Variants in TTC14 observed in about 807,000 individuals in gnomAD.
TTC14 encodes tetratricopeptide repeat protein 14.
A neutral mutation model predicts 79.9 loss-of-function variants in TTC14; 63 were observed. The observed-to-expected ratio is 0.79, with a 90% CI of 0.64 to 0.97. TTC14 has a LOEUF of 0.97. Among genes scored for constraint, TTC14 ranks in the 50% least tolerant of loss-of-function variants. TTC14 has a pLI of 0.00. For missense variants in TTC14, 895 were observed against 894.0 expected (o/e 1.00, Z -0.01); for synonymous variants, 335 against 309.6 (o/e 1.08, Z -0.86).
chr3:180,610,357 G>A lies in TTC14; in HGVS notation c.2128G>A (p.Gly710Arg), dbSNP rs1337990425. The change falls in exon 12 of 12, where the codon GGA becomes AGA. Residue 710 changes from glycine to arginine, a missense_variant. Physicochemically the swap from Gly to Arg is moderately radical, Grantham distance 125. Transcript: ENST00000296015. Reference sequence around the variant, plus strand: ...AAGATACCGTTTAAATACAAATCAAGGAGAATATGAAAGAGAGGACAATTA... The same window carrying A: ...AAGATACCGTTTAAATACAAATCAAAGAGAATATGAAAGAGAGGACAATTA... Reference protein sequence around the residue: ...EQRYRLNTNQGEYEREDNYGE... With the variant: ...EQRYRLNTNQREYEREDNYGE... The A allele has an allele frequency of 6.2e-7, 1 of 1,613,238 alleles. No individual in the cohort carries two copies. Among genetic ancestry groups the A allele is most frequent in the African/African-American group, 1.3e-5 (1 of 74,918 alleles).
rs1717242491 is a variant in TTC14, at chr3:180,616,380, T to C, written c.1775-1000T>C. The C allele has an allele frequency of 6.3e-7, 1 of 1,596,730 alleles. No individual in the cohort carries two copies. Among genetic ancestry groups the C allele is most frequent in the Non-Finnish European group, 8.6e-7 (1 of 1,166,248 alleles). On this transcript the variant is annotated intron_variant, in intron 12 of 12. Coordinates refer to the TTC14 transcript ENST00000382584. ...TAACCCACTCTGGAGGAATATTCAATAGCAATCATTAGTACTACCTACTGT... is the reference window on the plus strand; with the variant it reads ...TAACCCACTCTGGAGGAATATTCAACAGCAATCATTAGTACTACCTACTGT...
At chr3:180,602,703 A>T in intron 1 of TTC14, 188 bp from the exon 2 acceptor site, 1 of 760,672 alleles carries the variant, frequency 1.3e-6, no homozygotes, top group Non-Finnish European at 2.0e-6. Context: ...GTCACTTTTT[A>T]AGTTTCCCCG....
At chr3:180,609,444 C>T in intron 11 of TTC14, 186 bp from the exon 12 acceptor site, 2 of 1,292,264 alleles carry the variant, frequency 1.5e-6, no homozygotes, top group Non-Finnish European at 2.0e-6. Flanking sequence ...TACCTGTCTG[C>T]AAGCATTTTT....
At chr3:180,602,465 C>G (rs1179528281) in intron 1 of TTC14, 43 bp downstream of exon 1, 5 of 1,538,940 alleles carry the variant, frequency 3.2e-6, no homozygotes, top group Middle Eastern at 1.7e-4. Context: ...AGAGGGGACG[C>G]AGCTCTGGCA....
At position 180,602,359 on chromosome 3, in the gene TTC14, G is replaced by T. The variant is rs768942882; in HGVS notation, c.98G>T (p.Ser33Ile). 7 of 1,612,392 alleles carry T rather than the reference G, an allele frequency of 4.3e-6. No homozygotes were observed. The highest frequency in any genetic ancestry group is 5.9e-6 in the Non-Finnish European group (7 of 1,179,806). ...SEQQDNPHFR[S>I]LLGSAAEPAR... is the part of the protein sequence containing the mutation. ...CAGCAGGACAATCCACACTTCCGTA[G>T]CCTCCTGGGGTCGGCCGCCGAGCCA... Residue 33 changes from serine (S) to isoleucine (I), a missense_variant, in exon 1 of 12, where the codon AGC (serine) becomes ATC (isoleucine). Coordinates refer to ENST00000296015, the MANE Select transcript of TTC14 (RefSeq NM_133462.4).
intron 11 of TTC14, 173 bp from the exon 12 acceptor site, chr3:180,609,457 C>T: frequency 2.3e-6 from 3 of 1,294,392 alleles, no homozygotes; most frequent in Non-Finnish European, 2.0e-6. Context: ...GCATTTTTTC[C>T]CCCAAAAGTG....
intron 5 of TTC14, 121 bp downstream of exon 5, chr3:180,604,728 A>G: frequency 7.1e-7 from 1 of 1,416,534 alleles, no homozygotes; most frequent in Non-Finnish European, 9.5e-7. Context: ...ATATCATAAT[A>G]TTGCCACACC....
chr3:180,608,235 T>A, intron 10 of TTC14: 1 of 990,802 alleles, frequency 1.0e-6, no homozygotes. Context: ...TCCTATGTAA[T>A]CATGCATCCA....
Position 180,606,277 on chromosome 3 carries a change from T to C in TTC14, c.954T>C (p.Phe318=). 6.2e-7 allele frequency: 1 copy of C among 1,614,104 alleles called. No individual in the cohort carries two copies. Among genetic ancestry groups the C allele is most frequent in the Non-Finnish European group, 8.5e-7 (1 of 1,179,976 alleles). Residue 318 remains phenylalanine, a synonymous_variant, in exon 8 of 12, where the codon TTT becomes TTC. Transcript: ENST00000296015. ...LKCVKIGVDY[F]KVGRHVDAMN... Reference sequence around the variant, plus strand: ...GTGTGAAGATCGGAGTTGACTATTTTAAAGTTGGACGCCATGTGGATGCTA... The same window carrying C: ...GTGTGAAGATCGGAGTTGACTATTTCAAAGTTGGACGCCATGTGGATGCTA...
At position 180,609,685 on chromosome 3, in the gene TTC14, G is replaced by C. The variant is rs143275458; in HGVS notation, c.1456G>C (p.Glu486Gln). ...TTCTTCAAGTGTTTCTTCTGCTGAT[G>C]AATCAGTGTCTTCATCATCATCCTC... ...TSSSSVSSAD[E>Q]SVSSSSSSSS... The change falls in exon 12 of 12, where the codon GAA (glutamate) becomes CAA (glutamine). Residue 486 changes from glutamate to glutamine, a missense_variant. Glu to Gln is a conservative substitution (Grantham distance 29, BLOSUM62 2). Coordinates refer to ENST00000296015, the MANE Select transcript of TTC14 (RefSeq NM_133462.4). The C allele has an allele frequency of 6.3e-7, 1 of 1,597,434 alleles. No individual in the cohort carries two copies. The highest frequency in any genetic ancestry group is 1.4e-5 in the African/African-American group (1 of 73,804).
chr3:180,617,726 A>G (rs1003397257), exon 13 of TTC14: 1 of 381,170 alleles, frequency 2.6e-6, no homozygotes, highest in South Asian at 1.4e-4. Flanking sequence ...ACAAAAGAGT[A>G]AAAAAATTTT....
At chr3:180,615,117 T>C (rs761254829), downstream of TTC14, 8 of 1,430,186 alleles carry the variant, frequency 5.6e-6, no homozygotes, top group Non-Finnish European at 7.5e-6. Flanking sequence ...ATGCAAAGTT[T>C]ATATTTTAGT....
rs764437057 is a variant in TTC14 at position 180,616,547 on chromosome 3, A to T, written c.1775-833A>T. 3.5e-5 allele frequency: 55 copies of T among 1,587,590 alleles called. No homozygotes were observed. Among genetic ancestry groups the T allele is most frequent in the Non-Finnish European group, 4.5e-5 (53 of 1,167,134 alleles). On this transcript the variant is annotated intron_variant, in intron 12 of 12. Transcript: ENST00000382584. ...AAAGTATGTTTGAAGGATAATACGG[A>T]TCTCAGTATTTTCTTCTATGATATC...
chr3:180,610,006 A>G lies in TTC14; in HGVS notation c.1777A>G (p.Arg593Gly). 5 of 1,614,106 alleles carry G rather than the reference A, an allele frequency of 3.1e-6. No homozygotes were observed. Among genetic ancestry groups the G allele is most frequent in the Non-Finnish European group, 4.2e-6 (5 of 1,179,958 alleles). ...SLEIPDDFGG[R>G]SEDPRDFYNS... ...TGAAATACCGGATGATTTTGGAGGT[A>G]GGTCTGAAGATCCAAGAGATTTTTA... The change falls in exon 12 of 12, where the codon AGG becomes GGG. Residue 593 changes from arginine (R) to glycine (G), a missense_variant. Physicochemically the swap from Arg to Gly is moderately radical, Grantham distance 125. Transcript: ENST00000296015.
At position 180,617,760 on chromosome 3, in the gene TTC14, TAAA is replaced by T. The variant is rs1416135516; in HGVS notation, c.*196_*198del. 9 of 340,446 alleles carry T rather than the reference TAAA, an allele frequency of 2.6e-5. No homozygotes were observed. The South Asian group carries it at 4.5e-4, about 17-fold the overall frequency. 21.1% of individuals were successfully genotyped at this position (340,446 alleles called of 1,614,324 possible). ...TTACAAAATTAAAAATGTTTAAAGT[TAAA>T]AAGCTCTAGGAAGCTAAGGTCAATT... On this transcript the variant is annotated 3_prime_UTR_variant, in exon 13 of 13. Coordinates refer to the TTC14 transcript ENST00000382584.
Position 180,603,144 on chromosome 3 carries a change from C to T in TTC14, c.307C>T (p.Pro103Ser). Residue 103 changes from proline (P) to serine (S), a missense_variant, in exon 3 of 12, where the codon CCT becomes TCT. Transcript: ENST00000296015. ...DSEDHYAIMP[P>S]LEQFMEIPSM... Reference sequence around the variant, plus strand: ...TTTAGATCATTATGCAATCATGCCACCTTTAGAGCAATTCATGGAGATACC... The same window carrying T: ...TTTAGATCATTATGCAATCATGCCATCTTTAGAGCAATTCATGGAGATACC... The T allele has an allele frequency of 1.2e-6, 2 of 1,613,776 alleles. No homozygotes were observed. The highest frequency in any genetic ancestry group is 1.7e-6 in the Non-Finnish European group (2 of 1,179,978).
At chr3:180,603,390 CTT>C in intron 3 of TTC14, 67 bp downstream of exon 3, 1 of 1,330,278 alleles carries the variant, frequency 7.5e-7, no homozygotes, top group African/African-American at 1.4e-5. Flanking sequence ...AGAACTATAT[CTT>C]TGCATGCAGT....
chr3:180,609,549 G>A (rs1292823532), intron 11 of TTC14, 81 bp from the exon 12 acceptor site: 9 of 1,382,662 alleles, frequency 6.5e-6, no homozygotes, highest in Non-Finnish European at 8.4e-6. Flanking sequence ...AATCTTTAAA[G>A]GAAACAAATA....
chr3:180,602,336 G>T lies in TTC14; in HGVS notation c.75G>T (p.Gln25His). The T allele has an allele frequency of 6.2e-7, 1 of 1,613,612 alleles. No homozygotes were observed. The highest frequency in any genetic ancestry group is 8.5e-7 in the Non-Finnish European group (1 of 1,179,974). ...SSLLSLLRSEQQDNPHFRSLL... is the reference protein window; with the variant it reads ...SSLLSLLRSEHQDNPHFRSLL... ...TGCTCTCTCTACTTCGGAGCGAACA[G>T]CAGGACAATCCACACTTCCGTAGCC... The change falls in exon 1 of 12, where the codon CAG (glutamine) becomes CAT (histidine). Residue 25 changes from glutamine (Q) to histidine (H), a missense_variant. Coordinates refer to ENST00000296015, the MANE Select transcript of TTC14 (RefSeq NM_133462.4).
Sources: gnomAD v4.1 joint callset for allele counts on GRCh38, gnomAD v4.1.1 for gene constraint, MANE v1.5 for transcripts, NCBI Gene and HGNC (gene_info 2026-07-23, HGNC 2026-07-21) for gene names.